GPR157: variants seen among roughly 807,000 people sequenced by gnomAD.
GPR157 encodes G-protein coupled receptor 157.
GPR157 carries 16 observed loss-of-function variants against 23.5 expected under a neutral mutation model. The ratio of observed to expected loss-of-function variants is 0.68; its 90% confidence interval spans 0.46 to 1.04. The LOEUF (loss-of-function observed/expected upper bound fraction) is 1.04, where lower values mean the gene tolerates loss of function less well. GPR157 is among the 50% of genes least tolerant of loss of function. GPR157 has a pLI of 0.00. For missense variants in GPR157, 440 were observed against 460.7 expected (o/e 0.96, Z 0.41); for synonymous variants, 200 against 221.5 (o/e 0.90, Z 0.86).
chr1:9,118,219 G>C lies in GPR157; in HGVS notation c.384-6730C>G. Among the ~76,000 whole-genome samples, 1 of 152,208 alleles carries C rather than the reference G, an allele frequency of 6.6e-6. No homozygotes were observed. Among genetic ancestry groups the C allele is most frequent in the East Asian group, 1.9e-4 (1 of 5,204 alleles). On this transcript the variant is annotated intron_variant, in intron 1 of 3. Coordinates refer to ENST00000377411, the MANE Select transcript of GPR157 (RefSeq NM_024980.5). This position sits in a 1 kb window ranked among gnomAD's most constrained non-coding sequence, Gnocchi z 4.6. ...AAGTGGTTAGATGCCGGAGGAATGG[G>C]CGGGGTCCTGCCCAGTCCTAAATCT... is the stretch of plus-strand genomic sequence containing the variant.
chr1:9,107,661 C>T (rs1638373721), intron 2 of GPR157, among the ~76,000 whole-genome samples: 1 of 152,268 alleles, frequency 6.6e-6, no homozygotes, highest in South Asian at 2.1e-4. Context: ...CACAGTGGCT[C>T]ATGCCTGTAA....
intron 1 of GPR157, among the ~76,000 whole-genome samples, chr1:9,115,436 C>T (rs902503582): frequency 1.1e-4 from 16 of 152,104 alleles, no homozygotes; most frequent in Non-Finnish European, 2.1e-4. Context: ...CAAATGAGAG[C>T]GCTCCGTGGC....
chr1:9,106,109 C>G, intron 2 of GPR157, among the ~76,000 whole-genome samples: 1 of 152,160 alleles, frequency 6.6e-6, no homozygotes, highest in East Asian at 1.9e-4. Context: ...CTATGTTGCC[C>G]AGGCTGATCT....
In GPR157 at chr1:9,105,387, T is replaced by C; in HGVS notation, c.792+99A>G. 8.8e-7 allele frequency: 1 copy of C among 1,136,668 alleles called. No individual in the cohort carries two copies. Among genetic ancestry groups the C allele is most frequent in the Non-Finnish European group, 1.2e-6 (1 of 808,008 alleles). The allele number at this position is 1,136,668 out of a possible 1,614,324, so 70.4% of individuals were successfully genotyped here. ...CCGAGCTCCTCCCTGCAGCTGTGCC[T>C]TGGCCGACACTGGGGTGCAGCCACT... On this transcript the variant is annotated intron_variant, in intron 3 of 3. Transcript: ENST00000377411. The surrounding 1 kb of genome is among the most constrained non-coding windows in gnomAD (Gnocchi z 4.8).
chr1:9,106,155 C>A (rs1557693901), intron 2 of GPR157, among the ~76,000 whole-genome samples: 1 of 152,168 alleles, frequency 6.6e-6, no homozygotes, highest in South Asian at 2.1e-4. Context: ...CCTGCCTCGG[C>A]CTCTCAAAGT....
chr1:9,128,587 C>T lies in GPR157; in HGVS notation c.383+58G>A. 6.5e-7 allele frequency: 1 copy of T among 1,543,550 alleles called. No individual in the cohort carries two copies. The highest frequency in any genetic ancestry group is 8.9e-7 in the Non-Finnish European group (1 of 1,123,522). ...AGACGCGGCCTCTGGGAGGGCAAGACCGGGAGGGGTCGGCCTGTGTCGGGG... is the reference window on the plus strand; with the variant it reads ...AGACGCGGCCTCTGGGAGGGCAAGATCGGGAGGGGTCGGCCTGTGTCGGGG... On this transcript the variant is annotated intron_variant, in intron 1 of 3. Coordinates refer to ENST00000377411, the MANE Select transcript of GPR157 (RefSeq NM_024980.5). The surrounding 1 kb of genome is among the most constrained non-coding windows in gnomAD (Gnocchi z 6.3).
chr1:9,117,375 G>T (rs1638704501), intron 1 of GPR157, among the ~76,000 whole-genome samples: 1 of 152,190 alleles, frequency 6.6e-6, no homozygotes, highest in Non-Finnish European at 1.5e-5. Context: ...CAGCCAGGGG[G>T]CCACCCTGAG....
chr1:9,128,457 G>T lies in GPR157; in HGVS notation c.383+188C>A, dbSNP rs1381455402. 1 of 685,376 alleles carries T rather than the reference G, an allele frequency of 1.5e-6. No homozygotes were observed. The highest frequency in any genetic ancestry group is 2.2e-5 in the Admixed American group (1 of 45,748). The allele number at this position is 685,376 out of a possible 1,614,324, so 42.5% of individuals were successfully genotyped here. On this transcript the variant is annotated intron_variant, in intron 1 of 3. Transcript: ENST00000377411. This position sits in a 1 kb window ranked among gnomAD's most constrained non-coding sequence, Gnocchi z 6.3. ...GGGGCAGGCACAGCGGGGCTCCTTC[G>T]GGAGGGAGCGAATCTCGGGCAAGGC... is the stretch of plus-strand genomic sequence containing the variant.
At chr1:9,123,909 A>G (rs1293963533) in intron 1 of GPR157, among the ~76,000 whole-genome samples, 2 of 147,390 alleles carry the variant, frequency 1.4e-5, no homozygotes, top group Admixed American at 6.9e-5. Flanking sequence ...GCTCACTGCA[A>G]CCTCTGCCTC....
At chr1:9,121,989 A>C (rs1638807045) in intron 1 of GPR157, among the ~76,000 whole-genome samples, 1 of 152,106 alleles carries the variant, frequency 6.6e-6, no homozygotes, top group Admixed American at 6.5e-5. Flanking sequence ...CCCTATGCTC[A>C]CAGGCCATAC....
intron 1 of GPR157, among the ~76,000 whole-genome samples, chr1:9,125,529 C>T (rs905715513): frequency 2.6e-5 from 4 of 152,194 alleles, no homozygotes; most frequent in East Asian, 1.9e-4. Context: ...CGCAGGTGCT[C>T]TCCTGGGAAC....
At chr1:9,123,114 C>A (rs113148135) in intron 1 of GPR157, among the ~76,000 whole-genome samples, 1 of 145,966 alleles carries the variant, frequency 6.9e-6, no homozygotes, top group Middle Eastern at 3.6e-3. Flanking sequence ...CGAGAGATCG[C>A]ACCATTGTAC....
chr1:9,106,496 C>T (rs1638333125), intron 2 of GPR157, among the ~76,000 whole-genome samples: 1 of 152,224 alleles, frequency 6.6e-6, no homozygotes. Flanking sequence ...ACCCTGAAGC[C>T]ACACCGACCT....
intron 1 of GPR157, among the ~76,000 whole-genome samples, chr1:9,125,013 CCT>C (rs1220401568): frequency 1.3e-5 from 2 of 152,086 alleles, no homozygotes; most frequent in African/African-American, 4.8e-5. Context: ...GGGCGACCCC[CCT>C]GTTGGACCCA....
chr1:9,105,610 G>A lies in GPR157; in HGVS notation c.668C>T (p.Ala223Val), dbSNP rs12075362. 64,660 of 1,612,460 alleles carry A rather than the reference G, an allele frequency of 0.04. 1,541 individuals carry two copies. Among genetic ancestry groups the A allele is most frequent in the African/African-American group, 0.088 (6,621 of 75,022 alleles). ...CGGGATGAGCACCAGCTTCTTGTCC[G>A]CCATGGAGGAGTGGCGCAGCAGGCG... ...EHRLLRHSSM[A>V]DKKLVLIPLI... The change falls in exon 3 of 4, where the codon GCG (alanine) becomes GTG (valine). Residue 223 changes from alanine (A) to valine (V), a missense_variant. Ala to Val is a moderately conservative substitution (Grantham distance 64). Transcript: ENST00000377411. This position sits in a 1 kb window ranked among gnomAD's most constrained non-coding sequence, Gnocchi z 4.8.
chr1:9,110,502 G>A (rs866639239), intron 2 of GPR157, among the ~76,000 whole-genome samples: 9 of 152,310 alleles, frequency 5.9e-5, no homozygotes, highest in Admixed American at 2.0e-4. Flanking sequence ...CAACCTGGGC[G>A]ACAGAGCAAG....
At position 9,118,723 on chromosome 1, in the gene GPR157, T is replaced by C. The variant is rs1638738347; in HGVS notation, c.384-7234A>G. 6.6e-6 allele frequency among the ~76,000 whole-genome samples: 1 copy of C among 152,074 alleles called. No homozygotes were observed. The highest frequency in any genetic ancestry group is 2.4e-5 in the African/African-American group (1 of 41,418). On this transcript the variant is annotated intron_variant, in intron 1 of 3. Coordinates refer to ENST00000377411, the MANE Select transcript of GPR157 (RefSeq NM_024980.5). This position sits in a 1 kb window ranked among gnomAD's most constrained non-coding sequence, Gnocchi z 4.6. ...GCAGTCATCAGAGTGGAACCTAACC[T>C]AACAACCTCTGTGGTCATAACTTAA...
At chr1:9,122,518 A>G (rs1638821218) in intron 1 of GPR157, among the ~76,000 whole-genome samples, 1 of 152,186 alleles carries the variant, frequency 6.6e-6, no homozygotes, top group African/African-American at 2.4e-5. Context: ...AACTTGGCAG[A>G]TATCACCTTA....
intron 2 of GPR157, among the ~76,000 whole-genome samples, chr1:9,106,298 C>G (rs1638320739): frequency 6.6e-6 from 1 of 152,140 alleles, no homozygotes; most frequent in African/African-American, 2.4e-5. Context: ...TGGATGGGCT[C>G]CCTCCTCCGC....
Sources: gnomAD v4.1 joint callset for allele counts (sites outside exome capture counted in the v4.1 genomes callset) on GRCh38, gnomAD v4.1.1 for gene constraint, Gnocchi (gnomAD v3.1) non-coding constraint, MANE v1.5 for transcripts, NCBI Gene and HGNC (gene_info 2026-07-23, HGNC 2026-07-21) for gene names.